ANKRD11: variants seen among roughly 807,000 people sequenced by gnomAD.
ANKRD11 encodes ankyrin repeat domain-containing protein 11.
ANKRD11 carries 17 observed loss-of-function variants against 195.7 expected under a neutral mutation model. That is an observed-to-expected ratio of 0.09 (90% CI 0.06 to 0.13). The LOEUF (loss-of-function observed/expected upper bound fraction) is 0.13. Ranked by LOEUF, ANKRD11 falls within the 10% of genes least tolerant of loss-of-function variation. The pLI, the probability that ANKRD11 is intolerant of heterozygous loss-of-function variation, is 1.00. For missense variants in ANKRD11, 3,735 were observed against 3,566.1 expected, an observed-to-expected ratio of 1.05 and a Z score of -1.21; for synonymous variants, 1,953 against 1,528.1, an observed-to-expected ratio of 1.28 and a Z score of -6.49.
intron 2 of ANKRD11, among the ~76,000 whole-genome samples, chr16:89,321,556 T>C (rs1789036573): frequency 6.6e-6 from 1 of 151,946 alleles, no homozygotes; most frequent in Non-Finnish European, 1.5e-5. Context: ...CACCAGGGAG[T>C]CCGTGGACCA....
chr16:89,353,681 T>C (rs898289474), intron 2 of ANKRD11, among the ~76,000 whole-genome samples: 1 of 152,202 alleles, frequency 6.6e-6, no homozygotes, highest in Non-Finnish European at 1.5e-5. Flanking sequence ...GGTTTCATCA[T>C]GTTGGCCAGG....
At chr16:89,274,244 G>C (rs1471943676) in intron 11 of ANKRD11, among the ~76,000 whole-genome samples, 1 of 152,202 alleles carries the variant, frequency 6.6e-6, no homozygotes, top group African/African-American at 2.4e-5. Flanking sequence ...GGAGCTGCAG[G>C]GGTGGGCGGG....
intron 2 of ANKRD11, among the ~76,000 whole-genome samples, chr16:89,352,578 CG>C (rs2039273233): frequency 6.6e-6 from 1 of 152,170 alleles, no homozygotes; most frequent in African/African-American, 2.4e-5. Flanking sequence ...CACTTCCTCT[CG>C]CCCTGGCCCA....
At chr16:89,278,820 G>C in intron 9 of ANKRD11, 1 of 675,724 alleles carries the variant, frequency 1.5e-6, no homozygotes, top group Non-Finnish European at 2.7e-6. Context: ...CACCCAGGGT[G>C]AGGGGGAGGT....
chr16:89,281,379 C>T lies in ANKRD11; in HGVS notation c.5163G>A (p.Thr1721=), dbSNP rs758643160. The T allele has an allele frequency of 9.3e-6, 15 of 1,608,804 alleles. No individual in the cohort carries two copies. The highest frequency in any genetic ancestry group is 2.2e-5 in the East Asian group (1 of 44,764). ...CGGCGCTGCAGGACGGGGTCCTGGG[C>T]GTGTGCATCACCTCCTCGTAGCTGG... is the stretch of plus-strand genomic sequence containing the variant. The part of the protein sequence containing the change: ...SCPSYEEVMH[T]PRTPSCSADD... Residue 1721 remains threonine (T), a synonymous_variant, in exon 9 of 13, where the codon ACG becomes ACA. Transcript: ENST00000301030. This position sits in a 1 kb window ranked among gnomAD's most constrained non-coding sequence, Gnocchi z 5.5.
intron 4 of ANKRD11, chr16:89,301,426 C>T (rs2151852712): frequency 2.5e-6 from 1 of 397,012 alleles, no homozygotes; most frequent in Admixed American, 4.4e-5. Context: ...AGAGGACAGA[C>T]TTCAAAAGCA....
intron 4 of ANKRD11, among the ~76,000 whole-genome samples, chr16:89,304,924 A>G (rs2036087373): frequency 6.6e-6 from 1 of 152,142 alleles, no homozygotes; most frequent in Admixed American, 6.5e-5. Context: ...GAGCAGCCCC[A>G]TACCTCGCCC....
intron 1 of ANKRD11, among the ~76,000 whole-genome samples, chr16:89,456,029 A>G (rs531667365): frequency 6.6e-6 from 1 of 152,214 alleles, no homozygotes; most frequent in Admixed American, 6.5e-5. Context: ...ACCTGAGGTC[A>G]GGAGTTTGAG....
intron 2 of ANKRD11, among the ~76,000 whole-genome samples, chr16:89,320,813 C>T (rs970256337): frequency 3.3e-5 from 5 of 152,270 alleles, no homozygotes; most frequent in African/African-American, 1.2e-4. Flanking sequence ...ATGCTGGGAA[C>T]AGCCGTCCTT....
chr16:89,421,786 G>C (rs929424069), intron 1 of ANKRD11, among the ~76,000 whole-genome samples: 2 of 151,944 alleles, frequency 1.3e-5, no homozygotes, highest in Non-Finnish European at 1.5e-5. Flanking sequence ...TCCATGTCTG[G>C]GGGTGGGGGT....
chr16:89,273,691 G>A (rs1489496939), intron 11 of ANKRD11, among the ~76,000 whole-genome samples: 14 of 148,628 alleles, frequency 9.4e-5, no homozygotes, highest in Non-Finnish European at 1.5e-4. Context: ...GCGAGACTCC[G>A]TCACAAAAAA....
chr16:89,339,342 A>G (rs966692677), intron 2 of ANKRD11, among the ~76,000 whole-genome samples: 3 of 152,168 alleles, frequency 2.0e-5, no homozygotes, highest in Non-Finnish European at 4.4e-5. Flanking sequence ...GGTTTGCTTG[A>G]AGGCTTACAC....
In ANKRD11 at chr16:89,288,632, A is replaced by G. The variant is rs1458119570; in HGVS notation, c.640T>C (p.Tyr214His). 1 of 1,614,108 alleles carries G rather than the reference A, an allele frequency of 6.2e-7. No individual in the cohort carries two copies. The highest frequency in any genetic ancestry group is 1.1e-5 in the South Asian group (1 of 91,078). The part of the protein sequence containing the change: ...ALHEACNRGY[Y>H]DVAKQLLAAG... ...GCCAGCAGCTGCTTCGCGACGTCGT[A>G]GTAGCCCCGGTTACAGGCCTCGTGC... Residue 214 changes from tyrosine (Y) to histidine (H), a missense_variant, in exon 7 of 13, where the codon TAC becomes CAC. Tyr to His is a moderately conservative substitution (Grantham distance 83). Transcript: ENST00000301030.
intron 4 of ANKRD11, chr16:89,299,482 T>C (rs1168726519): frequency 5.3e-6 from 1 of 187,942 alleles, no homozygotes; most frequent in African/African-American, 2.6e-5. Flanking sequence ...GTGGGGTGTG[T>C]GGGGTCTGTG....
intron 1 of ANKRD11, among the ~76,000 whole-genome samples, chr16:89,462,763 G>A (rs564686030): frequency 1.5e-4 from 22 of 145,294 alleles, no homozygotes; most frequent in Non-Finnish European, 2.6e-4. Context: ...CGGCCACCCC[G>A]TCTGACAAGT....
At position 89,291,093 on chromosome 16, in the gene ANKRD11, C is replaced by G. The variant is rs779404022; in HGVS notation, c.317G>C (p.Arg106Pro). 4 of 1,613,852 alleles carry G rather than the reference C, an allele frequency of 2.5e-6. No homozygotes were observed. The highest frequency in any genetic ancestry group is 1.1e-5 in the South Asian group (1 of 91,084). Reference protein sequence around the residue: ...LLFGMGLSGIRAGYPLSERQQ... With the variant: ...LLFGMGLSGIPAGYPLSERQQ... ...GCGCTCGGAGAGGGGGTAGCCGGCTCGGATTCCAGACAGCCCCATGCCAAA... is the reference window on the plus strand; with the variant it reads ...GCGCTCGGAGAGGGGGTAGCCGGCTGGGATTCCAGACAGCCCCATGCCAAA... Residue 106 changes from arginine to proline, a missense_variant, in exon 5 of 13, where the codon CGA (arginine) becomes CCA (proline). Arg to Pro is a moderately radical substitution (Grantham distance 103). Transcript: ENST00000301030. This position sits in a 1 kb window ranked among gnomAD's most constrained non-coding sequence, Gnocchi z 5.3.
chr16:89,485,852 G>T (rs1205035813), intron 1 of ANKRD11, among the ~76,000 whole-genome samples: 1 of 152,028 alleles, frequency 6.6e-6, no homozygotes, highest in Non-Finnish European at 1.5e-5. Context: ...AGGGGCCTCC[G>T]GACAAACGAG....
intron 1 of ANKRD11, among the ~76,000 whole-genome samples, chr16:89,437,175 A>C (rs906200390): frequency 2.6e-5 from 4 of 152,296 alleles, no homozygotes; most frequent in Admixed American, 2.6e-4. Flanking sequence ...CGCAGCACAC[A>C]CCTTCTAACC....
intron 2 of ANKRD11, among the ~76,000 whole-genome samples, chr16:89,330,145 T>C (rs1489446231): frequency 1.3e-5 from 2 of 152,104 alleles, no homozygotes; most frequent in Non-Finnish European, 2.9e-5. Flanking sequence ...TTTAAAGCAT[T>C]CAATATAAAA....
Sources: gnomAD v4.1 joint callset for allele counts (sites outside exome capture counted in the v4.1 genomes callset) on GRCh38, gnomAD v4.1.1 for gene constraint, Gnocchi (gnomAD v3.1) non-coding constraint, MANE v1.5 for transcripts, NCBI Gene and HGNC (gene_info 2026-07-23, HGNC 2026-07-21) for gene names.